Variants in DNER observed in about 807,000 individuals in gnomAD.
DNER encodes the protein delta/notch like EGF repeat containing, also known as delta and Notch-like epidermal growth factor-related receptor.
In DNER, 33 loss-of-function variants were observed where a neutral mutation model predicts 78.2. The ratio of observed to expected loss-of-function variants is 0.42; its 90% CI spans 0.32 to 0.56. The LOEUF is 0.56. DNER is among the 20% of genes least tolerant of loss of function. DNER has a pLI of 0.11. For synonymous variants in DNER, 417 were observed against 384.8 expected, an observed-to-expected ratio of 1.08 and a Z score of -0.98; for missense variants, 918 against 975.3, an observed-to-expected ratio of 0.94 and a Z score of 0.78.
intron 11 of DNER, 47 bp from the exon 12 acceptor site, chr2:229,367,166 G>T: frequency 6.2e-7 from 1 of 1,608,588 alleles, no homozygotes; most frequent in Non-Finnish European, 8.5e-7. Context: ...TGTCACCTTT[G>T]AGAATGAGAA....
chr2:229,528,802 AG>A (rs1243281024), intron 5 of DNER, among the ~76,000 whole-genome samples: 2 of 152,220 alleles, frequency 1.3e-5, no homozygotes, highest in Non-Finnish European at 2.9e-5. Flanking sequence ...GTGTCTTTGC[AG>A]TGCTAAAAAT....
chr2:229,447,552 C>T lies in DNER; in HGVS notation c.1262-12G>A, dbSNP rs763902654. The T allele has an allele frequency of 9.9e-6, 16 of 1,611,080 alleles. No individual in the cohort carries two copies. On this transcript the variant is annotated splice_polypyrimidine_tract_variant and intron_variant, in intron 7 of 12. Coordinates refer to ENST00000341772, the MANE Select transcript of DNER (RefSeq NM_139072.4). ...AGATCCGAAGTATCCTGTGAAAAAACACATGAGAGCTTAAAAAAACTAAAA... is the reference window on the plus strand; with the variant it reads ...AGATCCGAAGTATCCTGTGAAAAAATACATGAGAGCTTAAAAAAACTAAAA...
intron 1 of DNER, among the ~76,000 whole-genome samples, chr2:229,598,600 T>C (rs1476288566): frequency 1.3e-5 from 2 of 152,162 alleles, no homozygotes; most frequent in African/African-American, 4.8e-5. Context: ...AGAGAATGGA[T>C]CTGATCATAG....
At chr2:229,546,889 A>G (rs1273476475) in intron 5 of DNER, 58 bp downstream of exon 5, 2 of 1,606,606 alleles carry the variant, frequency 1.2e-6, no homozygotes, top group East Asian at 2.2e-5. Context: ...TTATGTATTT[A>G]TTCAGGTAAA....
At chr2:229,551,220 T>C (rs918934061) in intron 4 of DNER, among the ~76,000 whole-genome samples, 1 of 152,130 alleles carries the variant, frequency 6.6e-6, no homozygotes, top group Admixed American at 6.5e-5. Flanking sequence ...GTCTTTTCTG[T>C]TTGTTTATTA....
chr2:229,485,665 T>C (rs544688812), intron 6 of DNER, among the ~76,000 whole-genome samples: 23 of 152,240 alleles, frequency 1.5e-4, no homozygotes, highest in African/African-American at 4.3e-4. Flanking sequence ...CAATGGTAAA[T>C]TACATGAGGT....
intron 10 of DNER, among the ~76,000 whole-genome samples, chr2:229,406,577 C>T (rs929439115): frequency 1.3e-5 from 2 of 152,200 alleles, no homozygotes; most frequent in African/African-American, 2.4e-5. Flanking sequence ...CCAAAAGAAT[C>T]TGATAAACAT....
chr2:229,399,902 T>C (rs1026833772), intron 10 of DNER, among the ~76,000 whole-genome samples: 1 of 151,978 alleles, frequency 6.6e-6, no homozygotes, highest in Non-Finnish European at 1.5e-5. Context: ...TCTAACTATA[T>C]TACAACTGTA....
chr2:229,677,858 T>A (rs77512224), intron 1 of DNER, among the ~76,000 whole-genome samples: 3,260 of 152,276 alleles, frequency 0.021, 101 homozygotes, highest in Middle Eastern at 0.065. Context: ...CTCTTACAGA[T>A]GGAAGATAAA....
At position 229,536,584 on chromosome 2, in the gene DNER, A is replaced by C. The variant is rs917450518; in HGVS notation, c.993+10363T>G. On this transcript the variant is annotated intron_variant, in intron 5 of 12. Transcript: ENST00000341772. ...GACTTATGAACTGAAAAATAGGACA[A>C]AGGTATAAGCATTCCAGGGGGAGGA... Among the ~76,000 whole-genome samples the C allele has an allele frequency of 2.0e-5, 3 of 152,110 alleles. No individual in the cohort carries two copies. In the South Asian group the frequency reaches 6.2e-4, roughly 32 times the overall value.
At chr2:229,473,648 C>T (rs1364184690) in intron 7 of DNER, among the ~76,000 whole-genome samples, 5 of 152,128 alleles carry the variant, frequency 3.3e-5, no homozygotes, top group Non-Finnish European at 7.3e-5. Context: ...TAACATAAAA[C>T]GCAACCCGTA....
intron 5 of DNER, among the ~76,000 whole-genome samples, chr2:229,517,294 T>C (rs1418366843): frequency 6.6e-6 from 1 of 152,178 alleles, no homozygotes; most frequent in African/African-American, 2.4e-5. Flanking sequence ...GGGGTTTATA[T>C]TCTAGTAGCG....
chr2:229,420,937 A>T (rs1166838907), intron 8 of DNER, among the ~76,000 whole-genome samples: 1 of 152,166 alleles, frequency 6.6e-6, no homozygotes, highest in Non-Finnish European at 1.5e-5. Flanking sequence ...AAAGAATCGA[A>T]AACAGGATCT....
At chr2:229,425,801 G>T (rs541608554) in intron 8 of DNER, among the ~76,000 whole-genome samples, 1 of 152,184 alleles carries the variant, frequency 6.6e-6, no homozygotes, top group Admixed American at 6.5e-5. Context: ...CCTCTGGAGC[G>T]TGATTTGTGC....
At chr2:229,380,317 T>C (rs1044305725) in intron 11 of DNER, among the ~76,000 whole-genome samples, 1 of 152,092 alleles carries the variant, frequency 6.6e-6, no homozygotes, top group Non-Finnish European at 1.5e-5. Context: ...AGCAGACAGA[T>C]CAGGCCAAGT....
At chr2:229,573,056 G>A (rs1357040616) in intron 4 of DNER, among the ~76,000 whole-genome samples, 1 of 152,146 alleles carries the variant, frequency 6.6e-6, no homozygotes, top group East Asian at 1.9e-4. Flanking sequence ...GCAGATAAAT[G>A]AGCAGATGAC....
intron 7 of DNER, among the ~76,000 whole-genome samples, chr2:229,453,936 A>AG (rs1258173211): frequency 6.7e-6 from 1 of 150,152 alleles, no homozygotes; most frequent in Admixed American, 6.6e-5. Context: ...AAAAAAAAAA[A>AG]AAAAAAGAAA....
chr2:229,432,948 T>C (rs780342350), intron 8 of DNER, among the ~76,000 whole-genome samples: 9 of 152,122 alleles, frequency 5.9e-5, no homozygotes, highest in Non-Finnish European at 8.8e-5. Flanking sequence ...GTTGTTGTTG[T>C]TGTTGTTTTG....
At chr2:229,644,352 T>A (rs1698676534) in intron 1 of DNER, among the ~76,000 whole-genome samples, 2 of 116,490 alleles carry the variant, frequency 1.7e-5, no homozygotes, top group African/African-American at 6.9e-5. Flanking sequence ...TTTTTTTTTT[T>A]TTTTTTTTTG....
Sources: allele counts gnomAD v4.1 joint callset (sites outside exome capture counted in the v4.1 genomes callset), GRCh38; gene constraint gnomAD v4.1.1; transcripts MANE v1.5; gene names NCBI Gene and HGNC (gene_info 2026-07-23, HGNC 2026-07-21).